Variants in COL6A6 observed in about 807,000 individuals in gnomAD.
COL6A6 encodes the protein collagen type VI alpha 6 chain, also known as collagen alpha-6(VI) chain.
COL6A6 carries 183 observed loss-of-function variants against 208.6 expected under a neutral mutation model. The ratio of observed to expected loss-of-function variants is 0.88; its 90% CI spans 0.78 to 0.99. COL6A6 has a LOEUF of 0.99. Ranked by LOEUF, COL6A6 falls within the 50% of genes least tolerant of loss-of-function variation. COL6A6 has a pLI of 0.00. For missense variants in COL6A6, 2,816 were observed against 2,815.2 expected, an observed-to-expected ratio of 1.00 and a Z score of -0.01; for synonymous variants, 973 against 1,011.8, an observed-to-expected ratio of 0.96 and a Z score of 0.73.
At chr3:130,568,646 A>C in intron 6 of COL6A6, 42 bp downstream of exon 6, 1 of 1,478,028 alleles carries the variant, frequency 6.8e-7, no homozygotes, top group Non-Finnish European at 9.0e-7. Context: ...TCCGAACAAC[A>C]GATGTCTTTT....
At chr3:130,608,043 G>A (rs1237688330) in intron 21 of COL6A6, among the ~76,000 whole-genome samples, 1 of 152,160 alleles carries the variant, frequency 6.6e-6, no homozygotes, top group African/African-American at 2.4e-5. Context: ...CAGCTACCTT[G>A]AACCTCTTTA....
intron 19 of COL6A6, among the ~76,000 whole-genome samples, chr3:130,599,360 T>C (rs2063940445): frequency 6.6e-6 from 1 of 152,196 alleles, no homozygotes; most frequent in Non-Finnish European, 1.5e-5. Context: ...TAATAATCTG[T>C]TTGATTAGCC....
intron 8 of COL6A6, among the ~76,000 whole-genome samples, chr3:130,578,656 A>G (rs2063349489): frequency 1.3e-5 from 2 of 152,054 alleles, no homozygotes; most frequent in Non-Finnish European, 2.9e-5. Context: ...ACTGCCTCTC[A>G]TAAGTCAGAG....
chr3:130,617,977 T>C (rs2064585308), intron 23 of COL6A6, among the ~76,000 whole-genome samples: 1 of 152,198 alleles, frequency 6.6e-6, no homozygotes, highest in Non-Finnish European at 1.5e-5. Flanking sequence ...TGCTTAACAC[T>C]AAAGCAGTTG....
At chr3:130,589,494 GC>G (rs1337102208) in intron 12 of COL6A6, among the ~76,000 whole-genome samples, 2 of 152,136 alleles carry the variant, frequency 1.3e-5, no homozygotes, top group Non-Finnish European at 2.9e-5. Context: ...GATAATGAAA[GC>G]CTCCTCCATG....
chr3:130,567,060 C>T lies in COL6A6; in HGVS notation c.1641C>T (p.Gly547=), dbSNP rs368961411. 19 of 1,613,982 alleles carry T rather than the reference C, an allele frequency of 1.2e-5. No homozygotes were observed. Among genetic ancestry groups the T allele is most frequent in the Non-Finnish European group, 1.5e-5 (18 of 1,179,872 alleles). ...VPCHLVVLTN[G]MSKDSILEPA... Reference sequence around the variant, plus strand: ...GCCACCTTGTTGTCCTGACAAATGGCATGTCCAAGGATAGCATCTTGGAGC... The same window carrying T: ...GCCACCTTGTTGTCCTGACAAATGGTATGTCCAAGGATAGCATCTTGGAGC... The change falls in exon 5 of 37, where the codon GGC becomes GGT. Residue 547 remains glycine, a synonymous_variant. Coordinates refer to ENST00000358511, the MANE Select transcript of COL6A6 (RefSeq NM_001102608.3).
chr3:130,662,438 G>A, intron 35 of COL6A6, 130 bp downstream of exon 35: 2 of 802,852 alleles, frequency 2.5e-6, no homozygotes, highest in Admixed American at 4.8e-5. Flanking sequence ...GGGTCAGAAA[G>A]GAAAATATAT....
chr3:130,635,655 A>G, intron 27 of COL6A6, 44 bp from the exon 28 acceptor site: 2 of 1,262,782 alleles, frequency 1.6e-6, no homozygotes, highest in Non-Finnish European at 2.3e-6. Flanking sequence ...ACATATGTAT[A>G]TGTTTGATTT....
rs2063149639 is a variant in COL6A6, at chr3:130,571,003, C to T, written c.2587C>T (p.Leu863=). 6.2e-7 allele frequency: 1 copy of T among 1,613,862 alleles called. No individual in the cohort carries two copies. The highest frequency in any genetic ancestry group is 1.3e-5 in the African/African-American group (1 of 74,938). ...YADDPEVLFY[L]DDFGTKLEVI... is the part of the protein sequence containing the mutation. Reference sequence around the variant, plus strand: ...TGATGACCCAGAGGTGCTGTTTTATCTGGATGACTTTGGCACAAAACTGGA... The same window carrying T: ...TGATGACCCAGAGGTGCTGTTTTATTTGGATGACTTTGGCACAAAACTGGA... The change falls in exon 7 of 37, where the codon CTG becomes TTG. Residue 863 remains leucine (L), a synonymous_variant. Coordinates refer to ENST00000358511, the MANE Select transcript of COL6A6 (RefSeq NM_001102608.3).
rs398052265 is a variant in COL6A6, at chr3:130,561,634, C to CTTTTT, written c.64+1231_64+1235dup. Among the ~76,000 whole-genome samples, 22 of 75,972 alleles carry CTTTTT rather than the reference C, an allele frequency of 2.9e-4. 3 individuals carry two copies. Among genetic ancestry groups the CTTTTT allele is most frequent in the African/African-American group, 1.2e-3 (21 of 17,398 alleles). 49.8% of individuals were successfully genotyped at this position (75,972 alleles called of 152,430 possible). A position where few individuals can be genotyped will look rare whatever the true frequency, so the allele number is the denominator to read the frequency against. On this transcript the variant is annotated intron_variant, in intron 2 of 36. Transcript: ENST00000358511. ...CTTAGATGTTTTCTAGTTGAATCTA[C>CTTTTT]TTTTTTTTTTTTTTTTTTTTTTTTT...
At chr3:130,645,697 A>G (rs1478234668) in intron 32 of COL6A6, among the ~76,000 whole-genome samples, 3 of 152,214 alleles carry the variant, frequency 2.0e-5, no homozygotes, top group African/African-American at 7.2e-5. Flanking sequence ...ATCAGATAGC[A>G]AGTAAGTGGA....
chr3:130,655,201 A>G (rs1206910195), intron 33 of COL6A6, among the ~76,000 whole-genome samples: 1 of 152,138 alleles, frequency 6.6e-6, no homozygotes, highest in Non-Finnish European at 1.5e-5. Context: ...TGCCTCATAG[A>G]TAAGCAATTT....
rs551639711 is a variant in COL6A6, at chr3:130,605,024, TCCC to T, written c.4654-1906_4654-1904del. 1.4e-4 allele frequency among the ~76,000 whole-genome samples: 22 copies of T among 152,320 alleles called. 1 individual carries two copies. In the South Asian group the frequency reaches 4.6e-3, roughly 32 times the overall value. On this transcript the variant is annotated intron_variant, in intron 20 of 36. Transcript: ENST00000358511. ...CTTTCAGCCTAGTAACCCTGCTACT[TCCC>T]TTTCTTCTCACACTTTTGACACAGA... is the stretch of plus-strand genomic sequence containing the variant.
Position 130,599,775 on chromosome 3 carries a change from G to A in COL6A6, c.4618G>A (p.Gly1540Ser). 6.2e-7 allele frequency: 1 copy of A among 1,613,762 alleles called. No homozygotes were observed. Among genetic ancestry groups the A allele is most frequent in the Non-Finnish European group, 8.5e-7 (1 of 1,179,760 alleles). Reference sequence around the variant, plus strand: ...TTGACAGGGCAGAAGAGGCTGGCCAGGCCCCCCCGGGACACCAGGCTCCAG... The same window carrying A: ...TTGACAGGGCAGAAGAGGCTGGCCAAGCCCCCCCGGGACACCAGGCTCCAG... The part of the protein sequence containing the change: ...RGRQGRRGWP[G>S]PPGTPGSRRK... The change falls in exon 20 of 37, where the codon GGC (glycine) becomes AGC (serine). Residue 1540 changes from glycine to serine, a missense_variant. Transcript: ENST00000358511.
intron 34 of COL6A6, among the ~76,000 whole-genome samples, chr3:130,660,659 A>G (rs2065909904): frequency 6.6e-6 from 1 of 152,242 alleles, no homozygotes; most frequent in Admixed American, 6.5e-5. Context: ...TTACAGAACT[A>G]TGCTGAACTG....
In COL6A6 at chr3:130,593,206, A is replaced by G; in HGVS notation, c.4424A>G (p.Asn1475Ser). Residue 1475 changes from asparagine (N) to serine (S), a missense_variant, in exon 17 of 37, where the codon AAT becomes AGT. Transcript: ENST00000358511. ...TCCCTTCTTGTTTTTTAGGGTGATA[A>G]TGGTCTTCCTGGAAGAAAAGGAGAA... ...IDGLNGEQGD[N>S]GLPGRKGEKG... is the part of the protein sequence containing the mutation. The G allele has an allele frequency of 6.2e-7, 1 of 1,613,270 alleles. No individual in the cohort carries two copies. The highest frequency in any genetic ancestry group is 1.7e-5 in the Admixed American group (1 of 60,012).
In COL6A6 at chr3:130,567,119, T is replaced by C; in HGVS notation, c.1700T>C (p.Val567Ala). ...AGACTGAGAGAAGAGCACATCCGAGTTTATGCTATCGGGATCAAGGAGGCC... is the reference window on the plus strand; with the variant it reads ...AGACTGAGAGAAGAGCACATCCGAGCTTATGCTATCGGGATCAAGGAGGCC... ...ANRLREEHIRVYAIGIKEANQ... is the reference protein window; with the variant it reads ...ANRLREEHIRAYAIGIKEANQ... Residue 567 changes from valine (V) to alanine (A), a missense_variant, in exon 5 of 37, where the codon GTT (valine) becomes GCT (alanine). By Grantham distance (64) the Val-to-Ala change is moderately conservative. Transcript: ENST00000358511. 1 of 1,613,856 alleles carries C rather than the reference T, an allele frequency of 6.2e-7. No individual in the cohort carries two copies. Among genetic ancestry groups the C allele is most frequent in the Non-Finnish European group, 8.5e-7 (1 of 1,179,864 alleles).
chr3:130,619,162 T>C (rs530164659), intron 23 of COL6A6, among the ~76,000 whole-genome samples: 66 of 152,292 alleles, frequency 4.3e-4, no homozygotes, highest in African/African-American at 1.6e-3. Flanking sequence ...TAAAGAAGTA[T>C]ACAGTCTAGT....
chr3:130,607,482 A>G (rs763381620), intron 21 of COL6A6, among the ~76,000 whole-genome samples: 5 of 152,200 alleles, frequency 3.3e-5, no homozygotes, highest in African/African-American at 9.6e-5. Context: ...GTTGTGACTT[A>G]TAATTTTATA....
Sources: gnomAD v4.1 joint callset for allele counts (sites outside exome capture counted in the v4.1 genomes callset) on GRCh38, gnomAD v4.1.1 for gene constraint, MANE v1.5 for transcripts, NCBI Gene and HGNC (gene_info 2026-07-23, HGNC 2026-07-21) for gene names.